The following GLRA3 variants were observed in gnomAD, a reference collection of about 807,000 sequenced individuals.
GLRA3 encodes the protein glycine receptor subunit alpha-3.
Under a neutral mutation model 60.4 loss-of-function variants are expected in GLRA3, and 44 were observed. The observed-to-expected ratio is 0.73, with a 90% CI of 0.57 to 0.94. The LOEUF (loss-of-function observed/expected upper bound fraction) is 0.94, where lower values mean the gene tolerates loss of function less well. Ranked by LOEUF, GLRA3 falls within the 40% of genes least tolerant of loss-of-function variation. GLRA3 has a pLI of 0.00. For synonymous variants in GLRA3, 223 were observed against 192.9 expected (o/e 1.16, Z -1.29); for missense variants, 508 against 564.6 (o/e 0.90, Z 1.02).
intron 5 of GLRA3, among the ~76,000 whole-genome samples, chr4:174,694,605 T>C (rs1322452405): frequency 1.3e-5 from 2 of 152,164 alleles, no homozygotes; most frequent in African/African-American, 4.8e-5. Context: ...AGGACATTGA[T>C]AGCAGTAAAT....
At chr4:174,688,293 C>T (rs1000254147) in intron 5 of GLRA3, among the ~76,000 whole-genome samples, 3 of 114,632 alleles carry the variant, frequency 2.6e-5, no homozygotes, top group Non-Finnish European at 5.2e-5. Context: ...TTATTTTTTC[C>T]ATAGTACTTA....
intron 3 of GLRA3, among the ~76,000 whole-genome samples, chr4:174,751,644 A>G (rs957545610): frequency 1.3e-5 from 2 of 152,116 alleles, no homozygotes; most frequent in African/African-American, 4.8e-5. Context: ...CCATTATATG[A>G]CAGCATTGCT....
chr4:174,710,845 G>A (rs980465110), intron 5 of GLRA3, among the ~76,000 whole-genome samples: 2 of 151,714 alleles, frequency 1.3e-5, no homozygotes, highest in Non-Finnish European at 2.9e-5. Context: ...ATTTTTCAAA[G>A]CACCAGGTTT....
intron 7 of GLRA3, among the ~76,000 whole-genome samples, chr4:174,670,772 T>C (rs1733873921): frequency 6.6e-6 from 1 of 152,144 alleles, no homozygotes; most frequent in South Asian, 2.1e-4. Flanking sequence ...AAGTAGGTCC[T>C]TGATGAAATC....
chr4:174,751,162 T>C lies in GLRA3; in HGVS notation c.267+15801A>G, dbSNP rs1281054780. The stretch of plus-strand genomic sequence containing the variant: ...CTACCTACCTATCTATCTACATTTT[T>C]TAGTAAGTCACACCTTTATAGAAGC... On this transcript the variant is annotated intron_variant, in intron 3 of 9. Coordinates refer to ENST00000274093, the MANE Select transcript of GLRA3 (RefSeq NM_006529.4). Among the ~76,000 whole-genome samples the C allele has an allele frequency of 2.6e-5, 4 of 152,032 alleles. No individual in the cohort carries two copies. The East Asian group carries it at 7.7e-4, about 29-fold the overall frequency.
At chr4:174,710,166 CTA>C (rs1735665076) in intron 5 of GLRA3, among the ~76,000 whole-genome samples, 1 of 151,876 alleles carries the variant, frequency 6.6e-6, no homozygotes, top group African/African-American at 2.4e-5. Flanking sequence ...TGGTCGTTTT[CTA>C]TGCTATCTCC....
At chr4:174,668,287 A>G (rs1676829279) in intron 7 of GLRA3, among the ~76,000 whole-genome samples, 1 of 152,188 alleles carries the variant, frequency 6.6e-6, no homozygotes, top group African/African-American at 2.4e-5. Flanking sequence ...ACAAGTCCAG[A>G]GAAATAGATG....
intron 7 of GLRA3, among the ~76,000 whole-genome samples, chr4:174,666,247 A>G (rs1192337632): frequency 6.6e-6 from 1 of 152,120 alleles, no homozygotes; most frequent in Non-Finnish European, 1.5e-5. Context: ...CACAAAATAC[A>G]TACTGTAAGA....
At chr4:174,793,414 A>G (rs1002194017) in intron 1 of GLRA3, among the ~76,000 whole-genome samples, 2 of 145,760 alleles carry the variant, frequency 1.4e-5, no homozygotes, top group Non-Finnish European at 3.0e-5. Context: ...TAATGTCAAA[A>G]TTTACATTCA....
At chr4:174,779,688 C>T (rs1220920281) in intron 2 of GLRA3, among the ~76,000 whole-genome samples, 1 of 152,012 alleles carries the variant, frequency 6.6e-6, no homozygotes, top group Admixed American at 6.5e-5. Flanking sequence ...GGAGCCGATG[C>T]GATCAACTGG....
intron 3 of GLRA3, among the ~76,000 whole-genome samples, chr4:174,730,829 C>A (rs1736520754): frequency 6.6e-6 from 1 of 152,128 alleles, no homozygotes; most frequent in South Asian, 2.1e-4. Flanking sequence ...TCTCTTAATA[C>A]ATTTAGTTTA....
intron 1 of GLRA3, among the ~76,000 whole-genome samples, chr4:174,789,698 G>C (rs1408655810): frequency 6.6e-6 from 1 of 152,128 alleles, no homozygotes; most frequent in Non-Finnish European, 1.5e-5. Context: ...TGCTTCTCCT[G>C]TCCAGCTCTT....
intron 4 of GLRA3, among the ~76,000 whole-genome samples, chr4:174,719,184 C>T (rs983176382): frequency 6.6e-6 from 1 of 151,538 alleles, no homozygotes; most frequent in African/African-American, 2.4e-5. Flanking sequence ...AGGATGGTCT[C>T]GATCTCCTGA....
intron 4 of GLRA3, among the ~76,000 whole-genome samples, chr4:174,720,517 C>G (rs1736091280): frequency 6.6e-6 from 1 of 152,186 alleles, no homozygotes; most frequent in Non-Finnish European, 1.5e-5. Context: ...ACCCAAATCA[C>G]AGCTAGTCAA....
At chr4:174,659,886 C>T (rs911238801) in intron 7 of GLRA3, among the ~76,000 whole-genome samples, 4 of 151,002 alleles carry the variant, frequency 2.6e-5, no homozygotes, top group South Asian at 2.1e-4. Flanking sequence ...GCAGGAGAAT[C>T]GCTTGAACCC....
At chr4:174,659,506 A>G (rs934754052) in intron 7 of GLRA3, among the ~76,000 whole-genome samples, 3 of 152,150 alleles carry the variant, frequency 2.0e-5, no homozygotes, top group South Asian at 2.1e-4. Flanking sequence ...AAATATAGAT[A>G]ATGCTGTTGG....
At chr4:174,807,622 A>G (rs1386839854) in intron 1 of GLRA3, among the ~76,000 whole-genome samples, 2 of 152,138 alleles carry the variant, frequency 1.3e-5, no homozygotes, top group Admixed American at 1.3e-4. Context: ...AATTATGAAG[A>G]GAAGATTCTG....
chr4:174,791,029 A>G (rs1391347869), intron 1 of GLRA3, among the ~76,000 whole-genome samples: 1 of 151,148 alleles, frequency 6.6e-6, no homozygotes, highest in Non-Finnish European at 1.5e-5. Context: ...ATACTAGATG[A>G]CTATGTATAC....
chr4:174,818,468 G>A (rs1740599468), intron 1 of GLRA3, among the ~76,000 whole-genome samples: 1 of 152,180 alleles, frequency 6.6e-6, no homozygotes, highest in South Asian at 2.1e-4. Context: ...CACTTAGGGG[G>A]AAATATTTAG....
Sources: gnomAD v4.1 joint callset for allele counts (sites outside exome capture counted in the v4.1 genomes callset) on GRCh38, gnomAD v4.1.1 for gene constraint, MANE v1.5 for transcripts, NCBI Gene and HGNC (gene_info 2026-07-23, HGNC 2026-07-21) for gene names.